MACROD2: variants seen among roughly 807,000 people sequenced by gnomAD.
The protein encoded by MACROD2 is ADP-ribose glycohydrolase MACROD2.
Under a neutral mutation model 70.4 loss-of-function variants are expected in MACROD2, and 36 were observed. The ratio of observed to expected loss-of-function variants is 0.51; its 90% CI spans 0.39 to 0.68. MACROD2 has a LOEUF of 0.68. Among genes scored for constraint, MACROD2 ranks in the 30% least tolerant of loss-of-function variants. MACROD2 has a pLI of 0.00. For synonymous variants in MACROD2, 172 were observed against 178.8 expected (o/e 0.96, Z 0.30); for missense variants, 496 against 538.4 (o/e 0.92, Z 0.78).
At chr20:14,653,945 C>G (rs1985826968) in intron 4 of MACROD2, among the ~76,000 whole-genome samples, 1 of 152,144 alleles carries the variant, frequency 6.6e-6, no homozygotes, top group African/African-American at 2.4e-5. Context: ...GACAGTACCT[C>G]TTTCCCTTTC....
At chr20:14,032,302 G>A (rs2053255188) in intron 2 of MACROD2, among the ~76,000 whole-genome samples, 1 of 152,064 alleles carries the variant, frequency 6.6e-6, no homozygotes, top group Non-Finnish European at 1.5e-5. Flanking sequence ...GTATGTGTGA[G>A]GATTTTTTGT....
At chr20:14,152,067 C>T (rs1486435933) in intron 3 of MACROD2, among the ~76,000 whole-genome samples, 6 of 151,468 alleles carry the variant, frequency 4.0e-5, no homozygotes, top group Admixed American at 6.6e-5. Context: ...ATGATCTGCC[C>T]GCGTCAGCCT....
chr20:15,967,038 G>C (rs2066150526), intron 12 of MACROD2, among the ~76,000 whole-genome samples: 1 of 152,168 alleles, frequency 6.6e-6, no homozygotes, highest in Non-Finnish European at 1.5e-5. Context: ...TGACCTTGCA[G>C]AGACCAGAAG....
At chr20:15,750,224 A>G (rs1452619574) in intron 8 of MACROD2, among the ~76,000 whole-genome samples, 2 of 152,052 alleles carry the variant, frequency 1.3e-5, no homozygotes, top group East Asian at 3.9e-4. Flanking sequence ...AGGCATTCAA[A>G]TAGCCAATAG....
At chr20:14,522,225 A>G (rs549012482) in intron 4 of MACROD2, among the ~76,000 whole-genome samples, 14 of 152,334 alleles carry the variant, frequency 9.2e-5, no homozygotes, top group South Asian at 8.3e-4. Flanking sequence ...CAAGATGGCC[A>G]TACATAACAC....
At chr20:14,927,617 G>A (rs73897234) in intron 5 of MACROD2, among the ~76,000 whole-genome samples, 5,141 of 152,252 alleles carry the variant, frequency 0.034, 179 homozygotes, top group African/African-American at 0.081. Context: ...TTACAGGCTA[G>A]TTCCTGGGGA....
At chr20:14,045,831 C>G (rs1302047240) in intron 2 of MACROD2, among the ~76,000 whole-genome samples, 4 of 152,130 alleles carry the variant, frequency 2.6e-5, no homozygotes, top group East Asian at 3.9e-4. Context: ...CCAGGTAGAT[C>G]TGAAAAAGAA....
In MACROD2 at chr20:15,233,978, T is replaced by TA. The variant is rs1491421648; in HGVS notation, c.540+3917_540+3918insA. 3.1e-3 allele frequency among the ~76,000 whole-genome samples: 146 copies of TA among 46,858 alleles called. 2 individuals are homozygous for TA. The highest frequency in any genetic ancestry group is 7.1e-3 in the African/African-American group (73 of 10,306). 30.7% of individuals were successfully genotyped at this position (46,858 alleles called of 152,430 possible). The stretch of plus-strand genomic sequence containing the variant: ...TCCAAAAAATTTATTTTTATATATA[T>TA]TTATTTATATATATATATATATATA... On this transcript the variant is annotated intron_variant, in intron 6 of 17. Transcript: ENST00000684519.
At chr20:14,162,965 AT>A (rs1011486792) in intron 3 of MACROD2, among the ~76,000 whole-genome samples, 1 of 151,382 alleles carries the variant, frequency 6.6e-6, no homozygotes, top group Non-Finnish European at 1.5e-5. Context: ...ATTCTCTCTT[AT>A]TGTTTATCTT....
chr20:14,002,124 A>C (rs1027520447), intron 1 of MACROD2, among the ~76,000 whole-genome samples, 164 bp from the exon 2 acceptor site: 3 of 152,154 alleles, frequency 2.0e-5, no homozygotes, highest in African/African-American at 7.2e-5. Flanking sequence ...TATGAAATTT[A>C]ACATTTTTTA....
chr20:14,463,546 G>A lies in MACROD2; in HGVS notation c.272-29933G>A, dbSNP rs371460480. On this transcript the variant is annotated intron_variant, in intron 3 of 17. Coordinates refer to ENST00000684519, the MANE Select transcript of MACROD2 (RefSeq NM_001351661.2). ...CTTTATTTCCTTCTCCTGCCTGATT[G>A]CCCTGACCAGAACTTCCAACACTAT... Among the ~76,000 whole-genome samples the A allele has an allele frequency of 6.6e-5, 10 of 152,064 alleles. No individual in the cohort carries two copies. In the East Asian group the frequency reaches 1.9e-3, roughly 29 times the overall value.
intron 3 of MACROD2, among the ~76,000 whole-genome samples, chr20:14,204,315 T>C (rs1261215817): frequency 6.6e-6 from 1 of 152,158 alleles, no homozygotes; most frequent in African/African-American, 2.4e-5. Context: ...CACATCACTG[T>C]GTCTAGCTGG....
intron 5 of MACROD2, among the ~76,000 whole-genome samples, chr20:15,071,218 C>A (rs534207855): frequency 6.6e-6 from 1 of 152,134 alleles, no homozygotes; most frequent in African/African-American, 2.4e-5. Flanking sequence ...AGAATAGAAA[C>A]ATTTAGGCCA....
At chr20:15,106,668 T>G (rs552366014) in intron 5 of MACROD2, among the ~76,000 whole-genome samples, 1 of 152,166 alleles carries the variant, frequency 6.6e-6, no homozygotes, top group African/African-American at 2.4e-5. Context: ...CCCCAGATAG[T>G]GGTTCTTGAG....
chr20:15,575,846 G>A (rs7263280), intron 8 of MACROD2, among the ~76,000 whole-genome samples: 5,192 of 152,102 alleles, frequency 0.034, 185 homozygotes, highest in African/African-American at 0.079. Flanking sequence ...TTCCGGCCAC[G>A]ACTCCCTCCT....
chr20:14,916,896 G>C (rs2074099000), intron 5 of MACROD2, among the ~76,000 whole-genome samples: 1 of 151,976 alleles, frequency 6.6e-6, no homozygotes, highest in African/African-American at 2.4e-5. Flanking sequence ...ATGGACCACT[G>C]TCAGCCCAGC....
chr20:15,813,985 G>A (rs1379072610), intron 8 of MACROD2, among the ~76,000 whole-genome samples: 2 of 152,226 alleles, frequency 1.3e-5, no homozygotes, highest in East Asian at 3.9e-4. Context: ...ATATTGTCAA[G>A]TAAATAATTT....
intron 3 of MACROD2, among the ~76,000 whole-genome samples, chr20:14,465,245 ATAGT>A (rs1350107761): frequency 6.6e-6 from 1 of 152,000 alleles, no homozygotes; most frequent in Non-Finnish European, 1.5e-5. Flanking sequence ...TATATTTAGG[ATAGT>A]TAGTTCTTCT....
At chr20:15,891,187 G>C (rs2064884489) in intron 10 of MACROD2, among the ~76,000 whole-genome samples, 1 of 152,182 alleles carries the variant, frequency 6.6e-6, no homozygotes, top group African/African-American at 2.4e-5. Context: ...AGGGTGAGAA[G>C]GGAGCAGACA....
Sources: allele counts gnomAD v4.1 joint callset (sites outside exome capture counted in the v4.1 genomes callset), GRCh38; gene constraint gnomAD v4.1.1; transcripts MANE v1.5; gene names NCBI Gene and HGNC (gene_info 2026-07-23, HGNC 2026-07-21).